BOC: variants seen among roughly 807,000 people sequenced by gnomAD.
BOC encodes brother of CDO.
A neutral mutation model predicts 112.0 loss-of-function variants in BOC; 76 were observed. That is an observed-to-expected ratio of 0.68 (90% CI 0.56 to 0.82). The LOEUF is 0.82. BOC is among the 40% of genes least tolerant of loss of function. The probability of loss-of-function intolerance (pLI) is 0.00; values close to 1 mark genes in which losing one functional copy is unlikely to be tolerated. For synonymous variants in BOC, 580 were observed against 599.8 expected, an observed-to-expected ratio of 0.97 and a Z score of 0.48; for missense variants, 1,309 against 1,511.7, an observed-to-expected ratio of 0.87 and a Z score of 2.22.
At chr3:113,286,047 C>A (rs996870951) in intron 19 of BOC, among the ~76,000 whole-genome samples, 1 of 152,150 alleles carries the variant, frequency 6.6e-6, no homozygotes, top group African/African-American at 2.4e-5. Context: ...TTCCACGGAA[C>A]TTTTTCTCCA....
chr3:113,271,292 G>C (rs1228061333), intron 6 of BOC: 1 of 484,508 alleles, frequency 2.1e-6, no homozygotes, highest in South Asian at 1.6e-5. Context: ...CACAGCATGT[G>C]CCTAGAACAG....
chr3:113,240,995 C>T (rs1353604009), intron 2 of BOC, among the ~76,000 whole-genome samples: 1 of 152,212 alleles, frequency 6.6e-6, no homozygotes, highest in Non-Finnish European at 1.5e-5. Flanking sequence ...GCCAGATGAA[C>T]CAGAGGAGGA....
At chr3:113,280,956 A>G in intron 14 of BOC, 75 bp from the exon 15 acceptor site, 2 of 1,576,160 alleles carry the variant, frequency 1.3e-6, no homozygotes, top group Non-Finnish European at 1.7e-6. Flanking sequence ...GCCCCAGCTG[A>G]GTCTGACTAT....
chr3:113,219,390 C>T (rs529834921), intron 2 of BOC, among the ~76,000 whole-genome samples: 22 of 152,326 alleles, frequency 1.4e-4, no homozygotes, highest in Admixed American at 7.8e-4. Context: ...TGTTAAAGCA[C>T]TCCAAGCATT....
At chr3:113,283,185 G>T (rs1054001382) in intron 15 of BOC, among the ~76,000 whole-genome samples, 1 of 152,166 alleles carries the variant, frequency 6.6e-6, no homozygotes, top group Non-Finnish European at 1.5e-5. Flanking sequence ...ATCTCGCTCT[G>T]CTTTGAAATA....
chr3:113,280,713 G>A (rs72942485), intron 14 of BOC, 50 bp downstream of exon 14: 36,550 of 1,418,634 alleles, frequency 0.026, 793 homozygotes, highest in African/African-American at 0.1. Flanking sequence ...AGTTTCCTCC[G>A]CTGGCATGGG....
intron 4 of BOC, among the ~76,000 whole-genome samples, chr3:113,262,722 G>T (rs1481859792): frequency 2.0e-5 from 3 of 152,332 alleles, no homozygotes; most frequent in Middle Eastern, 3.4e-3. Flanking sequence ...TTCACTTGCA[G>T]ATCATTTTAT....
chr3:113,268,655 G>A (rs1246772113), intron 5 of BOC, among the ~76,000 whole-genome samples: 1 of 152,150 alleles, frequency 6.6e-6, no homozygotes, highest in African/African-American at 2.4e-5. Flanking sequence ...CACCCAAGCT[G>A]GAGTGCAGTG....
chr3:113,219,786 G>T (rs1456061145), intron 2 of BOC, among the ~76,000 whole-genome samples: 1 of 152,214 alleles, frequency 6.6e-6, no homozygotes, highest in Non-Finnish European at 1.5e-5. Context: ...GGCTTGGCTG[G>T]TGTCAGACTT....
chr3:113,221,091 C>T (rs982964524), intron 2 of BOC, among the ~76,000 whole-genome samples: 6 of 152,112 alleles, frequency 3.9e-5, no homozygotes, highest in Non-Finnish European at 5.9e-5. Context: ...CTTTGCCAGT[C>T]GATAGGTATG....
intron 2 of BOC, among the ~76,000 whole-genome samples, chr3:113,244,358 C>T (rs1944652595): frequency 6.6e-6 from 1 of 152,154 alleles, no homozygotes; most frequent in Non-Finnish European, 1.5e-5. Flanking sequence ...TAACAGAAGA[C>T]TCATTCACAA....
intron 9 of BOC, among the ~76,000 whole-genome samples, 189 bp from the exon 10 acceptor site, chr3:113,277,906 G>A (rs1444980181): frequency 6.6e-6 from 1 of 152,232 alleles, no homozygotes; most frequent in Non-Finnish European, 1.5e-5. Flanking sequence ...TGACTTGAAT[G>A]TCCCAGTGAG....
chr3:113,239,221 G>A (rs2107795490), intron 2 of BOC, among the ~76,000 whole-genome samples: 1 of 151,914 alleles, frequency 6.6e-6, no homozygotes, highest in African/African-American at 2.4e-5. Context: ...TTTTAAGTGG[G>A]TACTAGAAAA....
intron 2 of BOC, among the ~76,000 whole-genome samples, chr3:113,245,660 A>G (rs546353077): frequency 6.6e-6 from 1 of 152,312 alleles, no homozygotes; most frequent in East Asian, 1.9e-4. Flanking sequence ...AGTAACTTGG[A>G]GCAGGATTTT....
At position 113,274,518 on chromosome 3, in the gene BOC, C is replaced by T; in HGVS notation, c.1378C>T (p.Pro460Ser). 6.2e-7 allele frequency: 1 copy of T among 1,613,478 alleles called. No individual in the cohort carries two copies. ...RPPTSVGPAS[P>S]QCPGEKGQGA... ...CCCAACGTCAGTGGGGCCTGCTTCC[C>T]CGCAGTGTCCAGGAGAGAAGGGGCA... The change falls in exon 9 of 20, where the codon CCG (proline) becomes TCG (serine). Residue 460 changes from proline to serine, a missense_variant. Physicochemically the swap from Pro to Ser is moderately conservative, Grantham distance 74 (BLOSUM62 -1). Coordinates refer to ENST00000682979, the MANE Select transcript of BOC (RefSeq NM_001378074.1). The surrounding 1 kb of genome is among the most constrained non-coding windows in gnomAD (Gnocchi z 4.8).
chr3:113,267,758 G>A (rs950829053), intron 4 of BOC, among the ~76,000 whole-genome samples: 5 of 152,140 alleles, frequency 3.3e-5, no homozygotes, highest in Non-Finnish European at 5.9e-5. Flanking sequence ...ACATAGTCTC[G>A]CTCTTTTCGC....
At chr3:113,236,172 A>G (rs772991615) in intron 2 of BOC, among the ~76,000 whole-genome samples, 1 of 147,212 alleles carries the variant, frequency 6.8e-6, no homozygotes, top group South Asian at 2.2e-4. Flanking sequence ...ATAAATGTCT[A>G]TCAACATATG....
intron 2 of BOC, among the ~76,000 whole-genome samples, chr3:113,218,333 C>A (rs1381108797): frequency 6.6e-6 from 1 of 152,200 alleles, no homozygotes; most frequent in Non-Finnish European, 1.5e-5. Context: ...ACAATCCTAG[C>A]AGGTTTATTA....
chr3:113,214,289 A>T (rs1938871389), intron 1 of BOC, among the ~76,000 whole-genome samples: 1 of 152,178 alleles, frequency 6.6e-6, no homozygotes, highest in Non-Finnish European at 1.5e-5. Flanking sequence ...AGTGTTTGGG[A>T]TCCCGGCTCT....
Sources: allele counts gnomAD v4.1 joint callset (sites outside exome capture counted in the v4.1 genomes callset), GRCh38; gene constraint gnomAD v4.1.1; non-coding constraint Gnocchi (gnomAD v3.1); transcripts MANE v1.5; gene names NCBI Gene and HGNC (gene_info 2026-07-23, HGNC 2026-07-21).